The following ZNF385B variants were observed in gnomAD, a reference collection of about 807,000 sequenced individuals.
The protein encoded by ZNF385B is zinc finger protein 533.
ZNF385B carries 23 observed loss-of-function variants against 39.2 expected under a neutral mutation model. The observed-to-expected ratio is 0.59, with a 90% confidence interval of 0.42 to 0.83. ZNF385B has a LOEUF of 0.83. Ranked by LOEUF, ZNF385B falls within the 40% of genes least tolerant of loss-of-function variation. The pLI, the probability that ZNF385B is intolerant of heterozygous loss-of-function variation, is 0.00. For missense variants in ZNF385B, 552 were observed against 598.9 expected, an observed-to-expected ratio of 0.92 and a Z score of 0.82; for synonymous variants, 205 against 222.6, an observed-to-expected ratio of 0.92 and a Z score of 0.70.
In ZNF385B at chr2:179,744,506, C is replaced by T. The variant is rs555969057; in HGVS notation, c.298+24997G>A. 2.6e-5 allele frequency among the ~76,000 whole-genome samples: 4 copies of T among 152,108 alleles called. No individual in the cohort carries two copies. The South Asian group carries it at 8.3e-4, about 32-fold the overall frequency. On this transcript the variant is annotated intron_variant, in intron 3 of 9. Coordinates refer to ENST00000410066, the MANE Select transcript of ZNF385B (RefSeq NM_152520.6). ...CAGTGGCTTCTAGCAAGATAGTGGC[C>T]CTGGGACTTGCCGAGACAGATTGGT...
chr2:179,823,811 C>T (rs1213214162), intron 1 of ZNF385B, among the ~76,000 whole-genome samples: 1 of 152,126 alleles, frequency 6.6e-6, no homozygotes, highest in Non-Finnish European at 1.5e-5. Context: ...TGTCATTCTT[C>T]TCAAAAATGA....
At chr2:179,607,661 G>A (rs1426838291) in intron 3 of ZNF385B, among the ~76,000 whole-genome samples, 2 of 152,096 alleles carry the variant, frequency 1.3e-5, no homozygotes, top group Non-Finnish European at 2.9e-5. Context: ...AGGAACAGGA[G>A]GTCATAGTCA....
intron 4 of ZNF385B, among the ~76,000 whole-genome samples, chr2:179,528,756 C>T (rs1288912975): frequency 2.6e-5 from 4 of 152,192 alleles, no homozygotes. Flanking sequence ...GGCCTGGGTA[C>T]CTGACTGGAG....
chr2:179,766,170 C>G (rs527688413), intron 3 of ZNF385B, among the ~76,000 whole-genome samples: 1 of 152,088 alleles, frequency 6.6e-6, no homozygotes, highest in East Asian at 1.9e-4. Flanking sequence ...AGAAGAACTT[C>G]CAGTGGTTAG....
At chr2:179,566,101 A>G (rs148673567) in intron 3 of ZNF385B, among the ~76,000 whole-genome samples, 2 of 152,350 alleles carry the variant, frequency 1.3e-5, no homozygotes, top group Admixed American at 6.5e-5. Context: ...TGTTTTTAAT[A>G]TAAGAACTGT....
chr2:179,774,983 T>C (rs1165547781), intron 1 of ZNF385B, among the ~76,000 whole-genome samples: 3 of 152,154 alleles, frequency 2.0e-5, no homozygotes, highest in East Asian at 1.9e-4. Context: ...TTAAAACACA[T>C]AGATGGAGAA....
At chr2:179,482,668 G>A (rs1453666926) in intron 6 of ZNF385B, among the ~76,000 whole-genome samples, 4 of 152,114 alleles carry the variant, frequency 2.6e-5, no homozygotes, top group Admixed American at 6.6e-5. Context: ...TTGTAACGTT[G>A]GAAATCATTC....
At chr2:179,466,915 CAAAAAAAAAAAAAAAAAAAA>C (rs777679885) in intron 6 of ZNF385B, among the ~76,000 whole-genome samples, 2 of 26,930 alleles carry the variant, frequency 7.4e-5, no homozygotes, top group African/African-American at 3.1e-4. Flanking sequence ...GCAAGACTGT[CAAAAAAAAAAAAAAAAAAAA>C]AAAAAAAAAG....
rs16866976 is a variant in ZNF385B at position 179,748,131 on chromosome 2, C to G, written c.298+21372G>C. On this transcript the variant is annotated intron_variant, in intron 3 of 9. Coordinates refer to ENST00000410066, the MANE Select transcript of ZNF385B (RefSeq NM_152520.6). ...GCAAGAAATCTGGAGGGTAGTGTTA[C>G]TTTAATGGATGGGCAAAAATATGAG... is the stretch of plus-strand genomic sequence containing the variant. 5.8e-3 allele frequency among the ~76,000 whole-genome samples: 875 copies of G among 152,104 alleles called. 30 individuals carry two copies. The East Asian group carries it at 0.12, about 21-fold the overall frequency.
At chr2:179,741,278 T>C (rs1002315028) in intron 3 of ZNF385B, among the ~76,000 whole-genome samples, 1 of 152,196 alleles carries the variant, frequency 6.6e-6, no homozygotes, top group African/African-American at 2.4e-5. Context: ...CACATTCTGT[T>C]ATAGTACATG....
At chr2:179,716,032 A>C (rs1328740722) in intron 3 of ZNF385B, among the ~76,000 whole-genome samples, 2 of 152,238 alleles carry the variant, frequency 1.3e-5, no homozygotes, top group Admixed American at 6.5e-5. Context: ...GGACCACCTC[A>C]AACATTTTGT....
chr2:179,806,747 G>T (rs1206667415), intron 1 of ZNF385B, among the ~76,000 whole-genome samples: 3 of 152,158 alleles, frequency 2.0e-5, no homozygotes, highest in Non-Finnish European at 4.4e-5. Flanking sequence ...TCACCCAGAA[G>T]AGTCAAGATT....
intron 5 of ZNF385B, among the ~76,000 whole-genome samples, chr2:179,497,971 G>A (rs561584723): frequency 4.6e-5 from 7 of 152,088 alleles, no homozygotes; most frequent in Non-Finnish European, 1.0e-4. Flanking sequence ...GACAAAGAAG[G>A]TCACTATATA....
intron 1 of ZNF385B, among the ~76,000 whole-genome samples, chr2:179,775,953 A>T (rs1285988859): frequency 6.6e-6 from 1 of 152,186 alleles, no homozygotes; most frequent in African/African-American, 2.4e-5. Context: ...TTTTTGTTAG[A>T]TACTGGGAGA....
At chr2:179,602,304 C>G (rs763880542) in intron 3 of ZNF385B, among the ~76,000 whole-genome samples, 4 of 152,138 alleles carry the variant, frequency 2.6e-5, no homozygotes, top group Non-Finnish European at 5.9e-5. Flanking sequence ...TCAAGCGATT[C>G]TCGTGCTCAG....
At position 179,594,604 on chromosome 2, in the gene ZNF385B, A is replaced by G. The variant is rs182665957; in HGVS notation, c.299-49635T>C. Among the ~76,000 whole-genome samples the G allele has an allele frequency of 5.3e-5, 8 of 152,230 alleles. No homozygotes were observed. In the East Asian group the frequency reaches 1.5e-3, roughly 29 times the overall value. On this transcript the variant is annotated intron_variant, in intron 3 of 9. Transcript: ENST00000410066. ...GCCTAAGGTTGACTCAGTTACTAAA[A>G]CTACCATCACTGCTGTAAGCCCATT... is the stretch of plus-strand genomic sequence containing the variant.
intron 5 of ZNF385B, among the ~76,000 whole-genome samples, chr2:179,485,770 G>A (rs534410403): frequency 2.0e-5 from 3 of 152,190 alleles, no homozygotes; most frequent in Non-Finnish European, 2.9e-5. Context: ...CTTGTAGGGC[G>A]GGAGGTGGCT....
At chr2:179,848,529 G>A (rs1184214098) in intron 1 of ZNF385B, among the ~76,000 whole-genome samples, 2 of 152,164 alleles carry the variant, frequency 1.3e-5, no homozygotes, top group African/African-American at 4.8e-5. Context: ...GTCAGGCTCA[G>A]GAGCTGCTAT....
chr2:179,816,684 A>G (rs1707092387), intron 1 of ZNF385B, among the ~76,000 whole-genome samples: 1 of 152,174 alleles, frequency 6.6e-6, no homozygotes, highest in Non-Finnish European at 1.5e-5. Flanking sequence ...ACGGTTTCCT[A>G]AAGTTCTCTT....
Sources: gnomAD v4.1 joint callset for allele counts (sites outside exome capture counted in the v4.1 genomes callset) on GRCh38, gnomAD v4.1.1 for gene constraint, MANE v1.5 for transcripts, NCBI Gene and HGNC (gene_info 2026-07-23, HGNC 2026-07-21) for gene names.